The following NUP107 variants were observed in gnomAD, a reference collection of about 807,000 sequenced individuals.
The protein encoded by NUP107 is nucleoporin 107.
Under a neutral mutation model 141.0 loss-of-function variants are expected in NUP107, and 101 were observed. That is an observed-to-expected ratio of 0.72 (90% confidence interval 0.61 to 0.84). NUP107 has a LOEUF of 0.84. Ranked by LOEUF, NUP107 falls within the 40% of genes least tolerant of loss-of-function variation. The pLI is 0.00. For missense variants in NUP107, 941 were observed against 1,102.7 expected, an observed-to-expected ratio of 0.85 and a Z score of 2.08; for synonymous variants, 319 against 363.9, an observed-to-expected ratio of 0.88 and a Z score of 1.41.
intron 26 of NUP107, chr12:68,739,751 C>G (rs1172152108): frequency 5.3e-5 from 8 of 151,918 alleles, no homozygotes; most frequent in African/African-American, 2.4e-5. Flanking sequence ...GCAGGAGAAT[C>G]GCGTGAACCC....
At chr12:68,718,846 TTATG>T (rs72374995) in intron 12 of NUP107, among the ~76,000 whole-genome samples, 63,927 of 148,754 alleles carry the variant, frequency 0.43, 14,478 homozygotes, top group South Asian at 0.66. Flanking sequence ...TAGAATGCCA[TTATG>T]TATGTATGTA....
In NUP107 at chr12:68,719,428, G is replaced by A. The variant is rs1432708723; in HGVS notation, c.1171G>A (p.Gly391Arg). The change falls in exon 13 of 28, where the codon GGA (glycine) becomes AGA (arginine). Residue 391 changes from glycine to arginine, a missense_variant. Coordinates refer to ENST00000229179, the MANE Select transcript of NUP107 (RefSeq NM_020401.4). ...WKLYHDPNVN[G>R]GTELEPVEGN... ...ACTGTACCATGACCCTAATGTTAAT[G>A]GAGGTATTTTAGTAGATTTTATTCT... 6.2e-7 allele frequency: 1 copy of A among 1,613,156 alleles called. No individual in the cohort carries two copies. The highest frequency in any genetic ancestry group is 1.7e-5 in the Admixed American group (1 of 59,994).
chr12:68,718,991 C>T (rs1877235454), intron 12 of NUP107, among the ~76,000 whole-genome samples: 1 of 152,048 alleles, frequency 6.6e-6, no homozygotes, highest in Admixed American at 6.6e-5. Flanking sequence ...TGGGTTCAAG[C>T]GATGCACCTG....
chr12:68,706,398 A>C, intron 8 of NUP107: 1 of 1,092,212 alleles, frequency 9.2e-7, no homozygotes, highest in South Asian at 1.3e-5. Flanking sequence ...CGCTCCCTGG[A>C]CATGAACAGC....
At chr12:68,707,514 G>A (rs1342415662) in intron 8 of NUP107, among the ~76,000 whole-genome samples, 2 of 152,168 alleles carry the variant, frequency 1.3e-5, no homozygotes, top group East Asian at 1.9e-4. Context: ...TGGGAGGATC[G>A]CTTGTGCCCA....
intron 26 of NUP107, among the ~76,000 whole-genome samples, chr12:68,737,738 T>G (rs1413397152): frequency 6.6e-6 from 1 of 152,224 alleles, no homozygotes; most frequent in East Asian, 1.9e-4. Context: ...GTTAAATGAT[T>G]AATAACATTT....
At chr12:68,705,787 G>A (rs1205317320) in intron 8 of NUP107, 10 of 754,650 alleles carry the variant, frequency 1.3e-5, no homozygotes, top group South Asian at 4.0e-5. Context: ...TAGCCTGGGT[G>A]GAGACTTTGG....
chr12:68,687,161 G>T, intron 1 of NUP107, 88 bp downstream of exon 1: 52 of 1,574,398 alleles, frequency 3.3e-5, no homozygotes, highest in Non-Finnish European at 4.5e-5. Context: ...ACTCCCAGAA[G>T]AAGCCAAGGA....
Position 68,721,877 on chromosome 12 carries a change from T to G in NUP107, c.1348T>G (p.Trp450Gly), listed in dbSNP as rs746793416. The G allele has an allele frequency of 6.2e-7, 1 of 1,614,106 alleles. No homozygotes were observed. The highest frequency in any genetic ancestry group is 1.1e-5 in the South Asian group (1 of 91,068). ...PVCDTWEDTV[W>G]AYFRVMVDSL... is the part of the protein sequence containing the mutation. ...CTGTGACACCTGGGAAGACACAGTT[T>G]GGGCCTACTTCCGGGTGATGGTGGA... is the stretch of plus-strand genomic sequence containing the variant. Residue 450 changes from tryptophan (W) to glycine (G), a missense_variant, in exon 16 of 28, where the codon TGG becomes GGG. Coordinates refer to ENST00000229179, the MANE Select transcript of NUP107 (RefSeq NM_020401.4).
intron 8 of NUP107, among the ~76,000 whole-genome samples, chr12:68,703,828 G>T (rs1237877489): frequency 6.6e-6 from 1 of 152,072 alleles, no homozygotes; most frequent in African/African-American, 2.4e-5. Flanking sequence ...TTCATAGTAT[G>T]TCAGAGTATA....
chr12:68,741,509 C>T (rs556482322), intron 26 of NUP107, among the ~76,000 whole-genome samples: 3 of 152,264 alleles, frequency 2.0e-5, no homozygotes, highest in African/African-American at 4.8e-5. Context: ...TATGTATAAA[C>T]ATCCAAAGGA....
Position 68,699,842 on chromosome 12 carries a change from AC to A in NUP107, c.553-882del, listed in dbSNP as rs371402048. Among the ~76,000 whole-genome samples, 114 of 152,008 alleles carry A rather than the reference AC, an allele frequency of 7.5e-4. No homozygotes were observed. In the East Asian group the frequency reaches 0.021, roughly 28 times the overall value. On this transcript the variant is annotated intron_variant, in intron 6 of 27. Transcript: ENST00000229179. ...CAATTGTGTGTATGTTTCTAGGGGG[AC>A]CATTCATGCCTTTTATTAGATTTTT... is the stretch of plus-strand genomic sequence containing the variant.
chr12:68,731,345 A>G, intron 21 of NUP107, 85 bp downstream of exon 21: 1 of 1,331,056 alleles, frequency 7.5e-7, no homozygotes, highest in Non-Finnish European at 1.0e-6. Flanking sequence ...TTATAGTTTT[A>G]AATCTTATTT....
At chr12:68,740,080 A>G (rs1007595216) in intron 26 of NUP107, 4 of 152,232 alleles carry the variant, frequency 2.6e-5, no homozygotes, top group African/African-American at 7.2e-5. Context: ...GATTGTCTGC[A>G]GCACACTCTG....
intron 12 of NUP107, among the ~76,000 whole-genome samples, chr12:68,716,940 C>T (rs1592509457): frequency 6.6e-6 from 1 of 152,034 alleles, no homozygotes; most frequent in Non-Finnish European, 1.5e-5. Context: ...CTCTGTCACC[C>T]AGGCTGGAGT....
intron 12 of NUP107, among the ~76,000 whole-genome samples, chr12:68,717,458 T>C (rs547968288): frequency 1.3e-5 from 2 of 152,230 alleles, no homozygotes; most frequent in Non-Finnish European, 2.9e-5. Flanking sequence ...CACCATTCAA[T>C]GGTTTTGGTA....
intron 10 of NUP107, among the ~76,000 whole-genome samples, chr12:68,711,862 T>C (rs1876874023): frequency 6.6e-6 from 1 of 152,176 alleles, no homozygotes; most frequent in African/African-American, 2.4e-5. Context: ...TGGGAAACCT[T>C]GAGAATAGAA....
intron 10 of NUP107, 116 bp from the exon 11 acceptor site, chr12:68,713,614 G>T: frequency 1.4e-6 from 1 of 737,564 alleles, no homozygotes; most frequent in African/African-American, 1.8e-5. Context: ...AAGGATTTTT[G>T]CATGTTTTTA....
At chr12:68,704,352 A>G (rs1201155495) in intron 8 of NUP107, among the ~76,000 whole-genome samples, 1 of 152,188 alleles carries the variant, frequency 6.6e-6, no homozygotes, top group African/African-American at 2.4e-5. Context: ...AACCAGCTAT[A>G]TCTGTTTTGA....
Sources: gnomAD v4.1 joint callset for allele counts (sites outside exome capture counted in the v4.1 genomes callset) on GRCh38, gnomAD v4.1.1 for gene constraint, MANE v1.5 for transcripts, NCBI Gene and HGNC (gene_info 2026-07-23, HGNC 2026-07-21) for gene names.